Variants in CYTH3 observed in about 807,000 individuals in gnomAD.
The protein encoded by CYTH3 is cytohesin-3.
Under a neutral mutation model 55.1 loss-of-function variants are expected in CYTH3, and 23 were observed. The ratio of observed to expected loss-of-function variants is 0.42; its 90% confidence interval spans 0.30 to 0.59. The LOEUF (loss-of-function observed/expected upper bound fraction) is 0.59, where lower values mean the gene tolerates loss of function less well. Ranked by LOEUF, CYTH3 falls within the 20% of genes least tolerant of loss-of-function variation. The probability of loss-of-function intolerance (pLI) is 0.20; values close to 1 mark genes in which losing one functional copy is unlikely to be tolerated. For missense variants in CYTH3, 413 were observed against 524.8 expected, an observed-to-expected ratio of 0.79 and a Z score of 2.08; for synonymous variants, 249 against 194.9, an observed-to-expected ratio of 1.28 and a Z score of -2.31.
chr7:6,214,300 A>G (rs1784382529), intron 1 of CYTH3, among the ~76,000 whole-genome samples: 2 of 152,212 alleles, frequency 1.3e-5, no homozygotes, highest in South Asian at 4.1e-4. Flanking sequence ...TTTCATACTA[A>G]AATGTTGAAA....
chr7:6,270,330 C>T (rs1048475326), intron 1 of CYTH3, among the ~76,000 whole-genome samples: 1 of 152,174 alleles, frequency 6.6e-6, no homozygotes, highest in Non-Finnish European at 1.5e-5. Flanking sequence ...TAAACTAAAT[C>T]AATAAAGGTT....
At chr7:6,271,060 C>T (rs1231814645) in intron 1 of CYTH3, among the ~76,000 whole-genome samples, 1 of 152,072 alleles carries the variant, frequency 6.6e-6, no homozygotes, top group East Asian at 1.9e-4. Context: ...GCAGGAAACA[C>T]GACATCCACC....
chr7:6,217,278 G>A (rs1784450053), intron 1 of CYTH3, among the ~76,000 whole-genome samples: 1 of 152,094 alleles, frequency 6.6e-6, no homozygotes, highest in Non-Finnish European at 1.5e-5. Flanking sequence ...TGGCAGAGTA[G>A]AATTTAAAAA....
intron 1 of CYTH3, among the ~76,000 whole-genome samples, chr7:6,218,816 C>A (rs927423061): frequency 6.6e-6 from 1 of 151,958 alleles, no homozygotes; most frequent in African/African-American, 2.4e-5. Context: ...ACCATCCTGG[C>A]CAACATGGCG....
intron 1 of CYTH3, among the ~76,000 whole-genome samples, chr7:6,196,290 C>T (rs1041052394): frequency 6.6e-6 from 1 of 151,968 alleles, no homozygotes; most frequent in Admixed American, 6.6e-5. Context: ...CAAGAGATAA[C>T]GTGAGAAGTA....
chr7:6,187,956 G>C (rs1026568794), intron 2 of CYTH3, among the ~76,000 whole-genome samples: 1 of 152,094 alleles, frequency 6.6e-6, no homozygotes, highest in Non-Finnish European at 1.5e-5. Flanking sequence ...GTTCAGAGGG[G>C]TCCACTCTGC....
chr7:6,198,330 T>C (rs1783982862), intron 1 of CYTH3, among the ~76,000 whole-genome samples: 1 of 137,434 alleles, frequency 7.3e-6, no homozygotes, highest in Non-Finnish European at 1.6e-5. Flanking sequence ...GACACCCAGA[T>C]TGTATAGCAA....
chr7:6,213,083 A>G (rs1244275544), intron 1 of CYTH3, among the ~76,000 whole-genome samples: 2 of 152,236 alleles, frequency 1.3e-5, no homozygotes, highest in Non-Finnish European at 2.9e-5. Flanking sequence ...CTCCTCCTAT[A>G]AGAATGTCAA....
In CYTH3 at chr7:6,218,264, A is replaced by C. The variant is rs529630995; in HGVS notation, c.35-27733T>G. Among the ~76,000 whole-genome samples the C allele has an allele frequency of 2.0e-4, 31 of 152,332 alleles. No individual in the cohort carries two copies. The East Asian group carries it at 6.0e-3, about 29-fold the overall frequency. ...ATGCAATAAAAAATGTCCATATAAGAAGAAAGCACAGGAGATGTGACACAG... is the reference window on the plus strand; with the variant it reads ...ATGCAATAAAAAATGTCCATATAAGCAGAAAGCACAGGAGATGTGACACAG... On this transcript the variant is annotated intron_variant, in intron 1 of 12. Transcript: ENST00000350796.
intron 1 of CYTH3, among the ~76,000 whole-genome samples, chr7:6,255,878 C>T (rs927181555): frequency 7.9e-5 from 12 of 151,184 alleles, no homozygotes; most frequent in African/African-American, 2.9e-4. Flanking sequence ...ATTCTCCTGC[C>T]TCAGCCTCCT....
chr7:6,236,591 C>T (rs1201227207), intron 1 of CYTH3, among the ~76,000 whole-genome samples: 1 of 151,750 alleles, frequency 6.6e-6, no homozygotes, highest in Non-Finnish European at 1.5e-5. Flanking sequence ...CAAATTCTCG[C>T]TCTGTCGCCC....
At chr7:6,246,846 G>C (rs1779832779) in intron 1 of CYTH3, among the ~76,000 whole-genome samples, 2 of 151,892 alleles carry the variant, frequency 1.3e-5, no homozygotes, top group African/African-American at 4.8e-5. Flanking sequence ...TTATAATTTA[G>C]ACTTAAATTT....
chr7:6,261,390 A>T (rs10267982), intron 1 of CYTH3, among the ~76,000 whole-genome samples: 1 of 152,094 alleles, frequency 6.6e-6, no homozygotes, highest in Admixed American at 6.5e-5. Flanking sequence ...GAAGAAGGGT[A>T]AACCAGAATA....
rs760840529 is a variant in CYTH3 at position 6,165,553 on chromosome 7, G to T, written c.964C>A (p.Arg322=). ...CAGGAGGAAGAGCTTACGGGTTTCCGGGGGTCCTCCACCTCCCTGATGCTG... is the reference window on the plus strand; with the variant it reads ...CAGGAGGAAGAGCTTACGGGTTTCCTGGGGTCCTCCACCTCCCTGATGCTG... ...NLSIREVEDP[R]KPNCFELYNP... The change falls in exon 11 of 13, where the codon CGG becomes AGG. Residue 322 remains arginine (R), a synonymous_variant. Coordinates refer to ENST00000350796, the MANE Select transcript of CYTH3 (RefSeq NM_004227.4). 6.2e-7 allele frequency: 1 copy of T among 1,613,774 alleles called. No homozygotes were observed. Among genetic ancestry groups the T allele is most frequent in the African/African-American group, 1.3e-5 (1 of 74,926 alleles).
At chr7:6,218,802 C>T (rs750942394) in intron 1 of CYTH3, among the ~76,000 whole-genome samples, 1 of 152,020 alleles carries the variant, frequency 6.6e-6, no homozygotes, top group South Asian at 2.1e-4. Context: ...GTCAGGAGAT[C>T]GAGACCATCC....
At chr7:6,200,800 G>C (rs1285727414) in intron 1 of CYTH3, among the ~76,000 whole-genome samples, 3 of 152,178 alleles carry the variant, frequency 2.0e-5, no homozygotes, top group Admixed American at 6.5e-5. Context: ...CTGTCACTCA[G>C]TCTGGACTGC....
intron 1 of CYTH3, among the ~76,000 whole-genome samples, chr7:6,200,784 C>T (rs975006681): frequency 1.3e-5 from 2 of 152,212 alleles, no homozygotes; most frequent in Admixed American, 6.5e-5. Flanking sequence ...GAGAAAGGAT[C>T]TTGCTCTGTC....
At chr7:6,186,918 T>C in intron 4 of CYTH3, 132 bp downstream of exon 4, 1 of 879,426 alleles carries the variant, frequency 1.1e-6, no homozygotes, top group African/African-American at 1.7e-5. Context: ...TTGATAAAAA[T>C]GTGCCTTCAA....
In CYTH3 at chr7:6,170,444, G is replaced by T; in HGVS notation, c.823+91C>A. The T allele has an allele frequency of 8.5e-7, 1 of 1,171,984 alleles. No homozygotes were observed. Among genetic ancestry groups the T allele is most frequent in the Non-Finnish European group, 1.2e-6 (1 of 818,812 alleles). 72.6% of individuals were successfully genotyped at this position (1,171,984 alleles called of 1,614,324 possible). A position where few individuals can be genotyped will look rare whatever the true frequency, so the allele number is the denominator to read the frequency against. On this transcript the variant is annotated intron_variant, in intron 9 of 12. Coordinates refer to ENST00000350796, the MANE Select transcript of CYTH3 (RefSeq NM_004227.4). This position sits in a 1 kb window ranked among gnomAD's most constrained non-coding sequence, Gnocchi z 7.8. Reference sequence around the variant, plus strand: ...TTTAACGTCTCTGCCTGCGGTGGGGGGCATTCCTACGATGAGCCTGGGAGG... The same window carrying T: ...TTTAACGTCTCTGCCTGCGGTGGGGTGCATTCCTACGATGAGCCTGGGAGG...
Sources: allele counts gnomAD v4.1 joint callset (sites outside exome capture counted in the v4.1 genomes callset), GRCh38; gene constraint gnomAD v4.1.1; non-coding constraint Gnocchi (gnomAD v3.1); transcripts MANE v1.5; gene names NCBI Gene and HGNC (gene_info 2026-07-23, HGNC 2026-07-21).